VSNL1: variants seen among roughly 807,000 people sequenced by gnomAD.
VSNL1 encodes visinin like 1, also known as visinin-like protein 1.
A neutral mutation model predicts 20.4 loss-of-function variants in VSNL1; 6 were observed. The ratio of observed to expected loss-of-function variants is 0.29; its 90% CI spans 0.16 to 0.58. VSNL1 has a LOEUF of 0.58. VSNL1 is among the 20% of genes least tolerant of loss of function. The probability of loss-of-function intolerance (pLI) is 0.90; values close to 1 mark genes in which losing one functional copy is unlikely to be tolerated. For missense variants in VSNL1, 100 were observed against 234.5 expected, an observed-to-expected ratio of 0.43 and a Z score of 3.75; for synonymous variants, 93 against 86.4, an observed-to-expected ratio of 1.08 and a Z score of -0.42.
chr2:17,653,487 T>C (rs2555099), intron 3 of VSNL1, among the ~76,000 whole-genome samples: 53,956 of 152,064 alleles, frequency 0.35, 10,482 homozygotes, highest in African/African-American at 0.48. Context: ...GTGCTTTTCC[T>C]TTGTGCACCA....
At chr2:17,624,547 A>G (rs1481742614) in intron 2 of VSNL1, among the ~76,000 whole-genome samples, 2 of 152,212 alleles carry the variant, frequency 1.3e-5, no homozygotes, top group East Asian at 1.9e-4. Context: ...TGTAATCACA[A>G]GCGTCCTTAA....
At chr2:17,577,999 C>T (rs554594717) in intron 1 of VSNL1, among the ~76,000 whole-genome samples, 28 of 152,082 alleles carry the variant, frequency 1.8e-4, no homozygotes, top group Admixed American at 9.2e-4. Flanking sequence ...CTTCATAAAA[C>T]GGTTGTAAAG....
At chr2:17,596,329 C>A (rs1020480261) in intron 2 of VSNL1, among the ~76,000 whole-genome samples, 10 of 152,240 alleles carry the variant, frequency 6.6e-5, no homozygotes, top group Non-Finnish European at 1.2e-4. Context: ...TGAATTTTGT[C>A]ACCAAGAACC....
At chr2:17,639,264 A>G (rs1185020621) in intron 2 of VSNL1, among the ~76,000 whole-genome samples, 1 of 152,196 alleles carries the variant, frequency 6.6e-6, no homozygotes, top group African/African-American at 2.4e-5. Flanking sequence ...TTTGACGGTA[A>G]TAAAAGGAAG....
At position 17,631,337 on chromosome 2, in the gene VSNL1, GA is replaced by G. The variant is rs572503063; in HGVS notation, c.163-18064del. Among the ~76,000 whole-genome samples, 148 of 144,158 alleles carry G rather than the reference GA, an allele frequency of 1.0e-3. 1 individual carries two copies. Among genetic ancestry groups the G allele is most frequent in the African/African-American group, 3.6e-3 (140 of 39,132 alleles). 94.6% of individuals were successfully genotyped at this position (144,158 alleles called of 152,430 possible). ...TATAAAAATCTAAACTTTTGCACAG[GA>G]AAAAAAAAGCAACTTGTATATGATT... On this transcript the variant is annotated intron_variant, in intron 2 of 3. Transcript: ENST00000295156.
chr2:17,541,838 A>C (rs1012470529), intron 1 of VSNL1, among the ~76,000 whole-genome samples: 6 of 152,158 alleles, frequency 3.9e-5, no homozygotes, highest in Non-Finnish European at 8.8e-5. Flanking sequence ...GGGTACAAGA[A>C]TGTGTACGTG....
At chr2:17,588,305 A>G (rs767647421) in intron 1 of VSNL1, among the ~76,000 whole-genome samples, 38 of 152,230 alleles carry the variant, frequency 2.5e-4, no homozygotes, top group Non-Finnish European at 5.0e-4. Flanking sequence ...TATGTGGGAA[A>G]TCAGTGAATG....
At chr2:17,614,038 C>T (rs908617886) in intron 2 of VSNL1, among the ~76,000 whole-genome samples, 25 of 152,176 alleles carry the variant, frequency 1.6e-4, no homozygotes, top group Admixed American at 2.6e-4. Context: ...GGTGGCTGGT[C>T]GGAAAAGGCT....
intron 1 of VSNL1, among the ~76,000 whole-genome samples, chr2:17,545,568 A>G (rs571395256): frequency 2.0e-4 from 30 of 152,214 alleles, no homozygotes; most frequent in African/African-American, 6.7e-4. Flanking sequence ...TAACATGTTC[A>G]CCCTGTGAGG....
At chr2:17,585,383 A>AT (rs1491522517) in intron 1 of VSNL1, among the ~76,000 whole-genome samples, 1 of 56,514 alleles carries the variant, frequency 1.8e-5, no homozygotes, top group African/African-American at 7.0e-5. Flanking sequence ...CCTTCATTAT[A>AT]AAAAAAAAAA....
At chr2:17,627,098 G>GC (rs1665528392) in intron 2 of VSNL1, among the ~76,000 whole-genome samples, 1 of 152,152 alleles carries the variant, frequency 6.6e-6, no homozygotes, top group South Asian at 2.1e-4. Context: ...GCAAATCCAC[G>GC]CCAAGGAGAC....
At chr2:17,587,676 C>T (rs558092717) in intron 1 of VSNL1, among the ~76,000 whole-genome samples, 107 of 152,130 alleles carry the variant, frequency 7.0e-4, no homozygotes, top group African/African-American at 2.5e-3. Flanking sequence ...AAGATGATGG[C>T]CTCTATTAGG....
intron 2 of VSNL1, among the ~76,000 whole-genome samples, chr2:17,622,315 T>G (rs910146576): frequency 8.6e-5 from 13 of 150,542 alleles, no homozygotes; most frequent in African/African-American, 3.2e-4. Context: ...CTGGCCAACA[T>G]GGTGAAACCC....
intron 2 of VSNL1, among the ~76,000 whole-genome samples, chr2:17,597,748 C>T (rs987119382): frequency 6.6e-6 from 1 of 151,060 alleles, no homozygotes; most frequent in African/African-American, 2.4e-5. Context: ...TCACTTGAGA[C>T]CCATTTTCTC....
intron 2 of VSNL1, among the ~76,000 whole-genome samples, chr2:17,648,654 C>T (rs1666053067): frequency 6.6e-6 from 1 of 152,198 alleles, no homozygotes; most frequent in Admixed American, 6.5e-5. Context: ...CTGGCCTAGG[C>T]TTATGTCCAA....
chr2:17,549,404 A>T (rs568926069), intron 1 of VSNL1, among the ~76,000 whole-genome samples: 1 of 152,344 alleles, frequency 6.6e-6, no homozygotes, highest in South Asian at 2.1e-4. Flanking sequence ...ACATACACAC[A>T]TACATGATAT....
intron 2 of VSNL1, among the ~76,000 whole-genome samples, chr2:17,609,541 G>A (rs1281206503): frequency 6.6e-6 from 1 of 152,216 alleles, no homozygotes; most frequent in African/African-American, 2.4e-5. Context: ...TGAAGGTCAA[G>A]TGCAAGATGT....
intron 2 of VSNL1, among the ~76,000 whole-genome samples, chr2:17,593,926 C>G (rs1218539384): frequency 2.0e-5 from 3 of 152,192 alleles, no homozygotes; most frequent in African/African-American, 4.8e-5. Flanking sequence ...AAAGTACAGA[C>G]AAACAAGGTT....
At chr2:17,642,793 G>A (rs895261002) in intron 2 of VSNL1, among the ~76,000 whole-genome samples, 16 of 152,232 alleles carry the variant, frequency 1.1e-4, no homozygotes, top group South Asian at 4.1e-4. Flanking sequence ...CCCGGGAGGC[G>A]AAAGCCCCTT....
Sources: allele counts gnomAD v4.1 joint callset (sites outside exome capture counted in the v4.1 genomes callset), GRCh38; gene constraint gnomAD v4.1.1; transcripts MANE v1.5; gene names NCBI Gene and HGNC (gene_info 2026-07-23, HGNC 2026-07-21).